DGKI: variants seen among roughly 807,000 people sequenced by gnomAD.
DGKI encodes diacylglycerol kinase iota, also known as DAG kinase iota.
A neutral mutation model predicts 147.5 loss-of-function variants in DGKI; 55 were observed. The observed-to-expected ratio is 0.37, with a 90% CI of 0.30 to 0.47. DGKI has a LOEUF of 0.47. Ranked by LOEUF, DGKI falls within the 20% of genes least tolerant of loss-of-function variation. The probability of loss-of-function intolerance (pLI) is 1.00; values close to 1 mark genes in which losing one functional copy is unlikely to be tolerated. For synonymous variants in DGKI, 469 were observed against 477.1 expected, an observed-to-expected ratio of 0.98 and a Z score of 0.22; for missense variants, 1,007 against 1,323.8, an observed-to-expected ratio of 0.76 and a Z score of 3.71.
chr7:137,758,568 C>A (rs761498494), intron 1 of DGKI, among the ~76,000 whole-genome samples: 4 of 152,056 alleles, frequency 2.6e-5, no homozygotes, highest in Non-Finnish European at 5.9e-5. Context: ...TGCCTGTAAT[C>A]CCAGCTACTC....
At chr7:137,513,640 G>C (rs1163953829) in intron 21 of DGKI, among the ~76,000 whole-genome samples, 3 of 152,126 alleles carry the variant, frequency 2.0e-5, no homozygotes, top group Non-Finnish European at 2.9e-5. Flanking sequence ...CACAAACCTA[G>C]GTGGAATCAC....
chr7:137,695,936 T>G (rs1192922064), intron 1 of DGKI, among the ~76,000 whole-genome samples: 1 of 152,092 alleles, frequency 6.6e-6, no homozygotes, highest in East Asian at 1.9e-4. Context: ...ATACGTAAAA[T>G]AAAAATAGCG....
intron 1 of DGKI, among the ~76,000 whole-genome samples, chr7:137,793,602 C>T (rs536879145): frequency 1.3e-5 from 2 of 152,274 alleles, no homozygotes; most frequent in African/African-American, 4.8e-5. Context: ...CCACTGCACC[C>T]GGCCTACATT....
intron 1 of DGKI, among the ~76,000 whole-genome samples, chr7:137,784,641 G>A (rs1796612545): frequency 6.6e-6 from 1 of 152,100 alleles, no homozygotes; most frequent in South Asian, 2.1e-4. Flanking sequence ...GATATTTATA[G>A]AACATTCTAC....
In DGKI at chr7:137,597,807, T is replaced by C. The variant is rs1299772844; in HGVS notation, c.1311+40A>G. The C allele has an allele frequency of 6.3e-6, 10 of 1,586,526 alleles. No individual in the cohort carries two copies. In the African/African-American group the frequency reaches 6.7e-5, roughly 11 times the overall value. ...TGCCACAAGAAAACAATAAGAAAGA[T>C]AGAATTGGCAGAGAACTGGATTCTC... On this transcript the variant is annotated intron_variant, in intron 12 of 32. Transcript: ENST00000614521.
rs550264312 is a variant in DGKI at position 137,770,256 on chromosome 7, A to T, written c.401+76206T>A. Among the ~76,000 whole-genome samples the T allele has an allele frequency of 9.8e-4, 147 of 149,422 alleles. 1 individual carries two copies. Among genetic ancestry groups the T allele is most frequent in the African/African-American group, 3.5e-3 (145 of 41,036 alleles). On this transcript the variant is annotated intron_variant, in intron 1 of 32. Coordinates refer to ENST00000614521, the MANE Select transcript of DGKI (RefSeq NM_001321708.2). ...CTGCATGTTCTCTCTCATAAGCGGG[A>T]GTGAAACAATGAGAACACATGGACA...
At chr7:137,641,706 T>C (rs988580644) in intron 6 of DGKI, among the ~76,000 whole-genome samples, 2 of 152,228 alleles carry the variant, frequency 1.3e-5, no homozygotes, top group Non-Finnish European at 2.9e-5. Context: ...ATAAGGGATA[T>C]TCAATGTGTA....
chr7:137,806,724 C>T (rs916012454), intron 1 of DGKI, among the ~76,000 whole-genome samples: 1 of 152,184 alleles, frequency 6.6e-6, no homozygotes, highest in African/African-American at 2.4e-5. Context: ...TGAGCCACCG[C>T]ACCCGGCCTG....
intron 1 of DGKI, among the ~76,000 whole-genome samples, chr7:137,784,145 G>A (rs535589266): frequency 1.3e-5 from 2 of 152,140 alleles, no homozygotes; most frequent in Admixed American, 6.6e-5. Context: ...AATGTAAATG[G>A]CCTAAATGTT....
At chr7:137,560,206 A>T (rs1818371262) in intron 19 of DGKI, among the ~76,000 whole-genome samples, 1 of 152,218 alleles carries the variant, frequency 6.6e-6, no homozygotes, top group Non-Finnish European at 1.5e-5. Flanking sequence ...TTAAGAGCAA[A>T]TTGAAAGCTG....
chr7:137,699,032 C>G lies in DGKI; in HGVS notation c.402-9030G>C, dbSNP rs150282333. ...CATAAACTGGGAGGCTTATGAACAA[C>G]AGACATTTATTTCTCACAGTTCTGG... is the stretch of plus-strand genomic sequence containing the variant. On this transcript the variant is annotated intron_variant, in intron 1 of 32. Transcript: ENST00000614521. 1.3e-3 allele frequency among the ~76,000 whole-genome samples: 193 copies of G among 152,308 alleles called. 2 individuals are homozygous for G. Among genetic ancestry groups the G allele is most frequent in the African/African-American group, 4.5e-3 (189 of 41,572 alleles).
intron 23 of DGKI, among the ~76,000 whole-genome samples, chr7:137,472,360 A>ATAATATTATATGTATATC (rs1814991428): frequency 8.5e-6 from 1 of 117,808 alleles, no homozygotes; most frequent in Admixed American, 9.3e-5. Context: ...ATATGTATAT[A>ATAATATTATATGTATATC]TACATATAAT....
At chr7:137,527,413 G>C (rs1249321670) in intron 20 of DGKI, among the ~76,000 whole-genome samples, 3 of 152,126 alleles carry the variant, frequency 2.0e-5, no homozygotes, top group Non-Finnish European at 4.4e-5. Flanking sequence ...ACATCAGTAG[G>C]GATACAAGAT....
intron 21 of DGKI, among the ~76,000 whole-genome samples, chr7:137,515,752 G>A (rs1225768783): frequency 3.9e-5 from 6 of 152,034 alleles, no homozygotes; most frequent in South Asian, 2.1e-4. Flanking sequence ...CTGAGATGTC[G>A]GGTGAGTTAA....
chr7:137,798,799 C>T (rs1797109752), intron 1 of DGKI, among the ~76,000 whole-genome samples: 1 of 152,054 alleles, frequency 6.6e-6, no homozygotes, highest in Non-Finnish European at 1.5e-5. Flanking sequence ...AGGATTATAC[C>T]TATGATCAAG....
intron 1 of DGKI, among the ~76,000 whole-genome samples, chr7:137,737,971 C>A (rs1255101257): frequency 6.6e-6 from 1 of 152,084 alleles, no homozygotes; most frequent in Non-Finnish European, 1.5e-5. Context: ...GGGGATAACA[C>A]AAGGGATAAG....
At chr7:137,466,993 C>T (rs1317295438) in intron 24 of DGKI, 51 bp from the exon 25 acceptor site, 3 of 1,576,644 alleles carry the variant, frequency 1.9e-6, no homozygotes, top group African/African-American at 1.3e-5. Context: ...TAATCTGGCA[C>T]CAAATTTATA....
intron 6 of DGKI, among the ~76,000 whole-genome samples, chr7:137,639,527 C>T (rs1201277160): frequency 6.6e-6 from 1 of 152,112 alleles, no homozygotes; most frequent in African/African-American, 2.4e-5. Context: ...GGGACCTGAA[C>T]ACCATGACAG....
intron 5 of DGKI, among the ~76,000 whole-genome samples, chr7:137,649,982 C>T (rs952836010): frequency 1.3e-5 from 2 of 151,966 alleles, no homozygotes; most frequent in African/African-American, 4.8e-5. Context: ...GAGACTCTTA[C>T]CACTTAGTGG....
Sources: allele counts gnomAD v4.1 joint callset (sites outside exome capture counted in the v4.1 genomes callset), GRCh38; gene constraint gnomAD v4.1.1; transcripts MANE v1.5; gene names NCBI Gene and HGNC (gene_info 2026-07-23, HGNC 2026-07-21).